Variants in USP34 observed in about 807,000 individuals in gnomAD.
USP34 encodes the protein ubiquitin carboxyl-terminal hydrolase 34.
A neutral mutation model predicts 460.3 loss-of-function variants in USP34; 70 were observed. The observed-to-expected ratio is 0.15, with a 90% CI of 0.13 to 0.19. The LOEUF (loss-of-function observed/expected upper bound fraction) is 0.19, where lower values mean the gene tolerates loss of function less well. USP34 is among the 10% of genes least tolerant of loss of function. The pLI, the probability that USP34 is intolerant of heterozygous loss-of-function variation, is 1.00. For synonymous variants in USP34, 1,647 were observed against 1,405.3 expected (o/e 1.17, Z -3.85); for missense variants, 3,985 against 4,236.2 (o/e 0.94, Z 1.65).
At chr2:61,400,567 TTGAC>T (rs1246333691) in intron 3 of USP34, among the ~76,000 whole-genome samples, 1 of 152,148 alleles carries the variant, frequency 6.6e-6, no homozygotes, top group Non-Finnish European at 1.5e-5. Context: ...AAATACTAAA[TTGAC>T]TGGGCGTGGC....
At chr2:61,413,339 C>T (rs1345782667) in intron 2 of USP34, among the ~76,000 whole-genome samples, 1 of 151,916 alleles carries the variant, frequency 6.6e-6, no homozygotes, top group Non-Finnish European at 1.5e-5. Context: ...TGCAGTGAGC[C>T]AAGATCGCGC....
intron 30 of USP34, among the ~76,000 whole-genome samples, chr2:61,296,014 T>C (rs1690015956): frequency 6.6e-6 from 1 of 152,132 alleles, no homozygotes. Context: ...ATCCCAGCAT[T>C]TTGGGAGGCT....
chr2:61,214,356 G>T lies in USP34; in HGVS notation c.8386C>A (p.His2796Asn), dbSNP rs1404643199. The T allele has an allele frequency of 1.2e-6, 2 of 1,614,196 alleles. No individual in the cohort carries two copies. Among genetic ancestry groups the T allele is most frequent in the Non-Finnish European group, 1.7e-6 (2 of 1,180,030 alleles). ...AATGAAAGCAAAGCCTGTTTATTGT[G>T]ATTTGTAGCTATTGCTGGCTCAGAA... ...KLSEPAIATN[H>N]NKQALLSFWY... Residue 2796 changes from histidine to asparagine, a missense_variant, in exon 68 of 80, where the codon CAC becomes AAC. By Grantham distance (68) the His-to-Asn change is moderately conservative. Around this residue, in one of 14 missense-constraint regions of USP34, gnomAD observed 66 missense variants for 121.2 expected, o/e 0.54. Coordinates refer to ENST00000398571, the MANE Select transcript of USP34 (RefSeq NM_014709.4).
At chr2:61,195,331 C>A (rs1686766305) in intron 75 of USP34, among the ~76,000 whole-genome samples, 2 of 148,450 alleles carry the variant, frequency 1.3e-5, no homozygotes, top group Non-Finnish European at 1.5e-5. Context: ...AGGCATGAGC[C>A]ATCATATCCG....
At chr2:61,374,196 AG>A (rs1280183378) in intron 8 of USP34, among the ~76,000 whole-genome samples, 1 of 150,560 alleles carries the variant, frequency 6.6e-6, no homozygotes, top group African/African-American at 2.4e-5. Context: ...AATGAGGTTC[AG>A]AAGTGTTTAG....
At chr2:61,358,278 A>G (rs1394962022) in intron 10 of USP34, among the ~76,000 whole-genome samples, 2 of 152,070 alleles carry the variant, frequency 1.3e-5, no homozygotes, top group African/African-American at 2.4e-5. Flanking sequence ...AAAGAATTTT[A>G]TAAATGACAA....
At chr2:61,275,823 T>C (rs969404212) in intron 41 of USP34, among the ~76,000 whole-genome samples, 4 of 152,184 alleles carry the variant, frequency 2.6e-5, no homozygotes, top group Admixed American at 2.0e-4. Context: ...TTTCATCATC[T>C]GTCAAAATTG....
chr2:61,417,420 A>AC, intron 2 of USP34: 1 of 423,740 alleles, frequency 2.4e-6, no homozygotes, highest in South Asian at 2.6e-5. Context: ...CAGCTATATG[A>AC]CTGTTAAACA....
intron 16 of USP34, among the ~76,000 whole-genome samples, chr2:61,340,334 A>G (rs1489583223): frequency 6.6e-6 from 1 of 152,204 alleles, no homozygotes; most frequent in East Asian, 1.9e-4. Context: ...GATAGTTTCT[A>G]GTTTTACGCT....
chr2:61,410,613 A>T (rs1010692937), intron 2 of USP34, among the ~76,000 whole-genome samples: 21 of 152,024 alleles, frequency 1.4e-4, no homozygotes, highest in Non-Finnish European at 1.5e-5. Context: ...ACCAGCTTGA[A>T]TTTTTTTTAG....
Position 61,204,290 on chromosome 2 carries a change from A to G in USP34, c.9350T>C (p.Met3117Thr). The change falls in exon 74 of 80, where the codon ATG becomes ACG. Residue 3117 changes from methionine (M) to threonine (T), a missense_variant. By Grantham distance (81) the Met-to-Thr change is moderately conservative (BLOSUM62 -1). Coordinates refer to ENST00000398571, the MANE Select transcript of USP34 (RefSeq NM_014709.4). ...NIRPPRPELN[M>T]CLLPTMVETS... is the part of the protein sequence containing the mutation. ...TTCCACCATTGTGGGCAAGAGGCAC[A>G]TATTGAGTTCAGGGCGCGGAGGCCG... is the stretch of plus-strand genomic sequence containing the variant. The G allele has an allele frequency of 6.2e-7, 1 of 1,614,220 alleles. No individual in the cohort carries two copies. The highest frequency in any genetic ancestry group is 8.5e-7 in the Non-Finnish European group (1 of 1,180,032).
intron 39 of USP34, among the ~76,000 whole-genome samples, chr2:61,279,006 C>T (rs1450914357): frequency 6.6e-6 from 1 of 151,922 alleles, no homozygotes; most frequent in African/African-American, 2.4e-5. Flanking sequence ...CTTGAGTCCC[C>T]TCAAAGAAAC....
chr2:61,199,172 A>G lies in USP34; in HGVS notation c.9508+3968T>C, dbSNP rs140929171. On this transcript the variant is annotated intron_variant, in intron 75 of 79. Transcript: ENST00000398571. ...TTATTGTTTCTGGGTTTTGTGTCCTAGGTAGCATGGTCTTTCAAATCTCAT... is the reference window on the plus strand; with the variant it reads ...TTATTGTTTCTGGGTTTTGTGTCCTGGGTAGCATGGTCTTTCAAATCTCAT... Among the ~76,000 whole-genome samples the G allele has an allele frequency of 5.9e-5, 9 of 152,174 alleles. No homozygotes were observed. In the East Asian group the frequency reaches 1.7e-3, roughly 29 times the overall value.
chr2:61,282,309 TA>T (rs1010367389), intron 37 of USP34, among the ~76,000 whole-genome samples: 1 of 152,176 alleles, frequency 6.6e-6, no homozygotes, highest in Non-Finnish European at 1.5e-5. Context: ...AACGCAGGTT[TA>T]AAAAATAAGT....
chr2:61,327,337 A>G (rs1572938227), intron 20 of USP34, among the ~76,000 whole-genome samples: 1 of 152,166 alleles, frequency 6.6e-6, no homozygotes, highest in African/African-American at 2.4e-5. Flanking sequence ...ACATATGACG[A>G]GATGTAGGGG....
intron 68 of USP34, among the ~76,000 whole-genome samples, chr2:61,213,641 ATAC>A (rs1234701685): frequency 6.6e-6 from 1 of 152,238 alleles, no homozygotes; most frequent in Non-Finnish European, 1.5e-5. Flanking sequence ...ATACTGCGGA[ATAC>A]TACTAGTTTT....
At chr2:61,252,979 G>A (rs951405234) in intron 48 of USP34, among the ~76,000 whole-genome samples, 1 of 152,170 alleles carries the variant, frequency 6.6e-6, no homozygotes, top group Non-Finnish European at 1.5e-5. Flanking sequence ...AGTTTAGAAT[G>A]CTTTGTCAGT....
intron 27 of USP34, among the ~76,000 whole-genome samples, chr2:61,308,759 G>A (rs1690491520): frequency 1.3e-5 from 2 of 152,154 alleles, no homozygotes; most frequent in South Asian, 4.1e-4. Flanking sequence ...ACTACATGTT[G>A]GCTGGGCATG....
intron 1 of USP34, among the ~76,000 whole-genome samples, chr2:61,424,266 T>G (rs1398878111): frequency 1.3e-5 from 2 of 152,210 alleles, no homozygotes; most frequent in Non-Finnish European, 2.9e-5. Context: ...TACTGAATAC[T>G]CTAGGCAACC....
Sources: gnomAD v4.1 joint callset for allele counts (sites outside exome capture counted in the v4.1 genomes callset) on GRCh38, gnomAD v4.1.1 for gene constraint, gnomAD v4.1.1 regional missense constraint, MANE v1.5 for transcripts, NCBI Gene and HGNC (gene_info 2026-07-23, HGNC 2026-07-21) for gene names.